Variants in RAD54L2 observed in about 807,000 individuals in gnomAD.
The protein encoded by RAD54L2 is RAD54 like 2.
A neutral mutation model predicts 138.4 loss-of-function variants in RAD54L2; 27 were observed. The ratio of observed to expected loss-of-function variants is 0.20; its 90% CI spans 0.14 to 0.27. The LOEUF is 0.27. Ranked by LOEUF, RAD54L2 falls within the 10% of genes least tolerant of loss-of-function variation. The pLI is 1.00. For synonymous variants in RAD54L2, 644 were observed against 723.2 expected, an observed-to-expected ratio of 0.89 and a Z score of 1.76; for missense variants, 1,396 against 1,890.2, an observed-to-expected ratio of 0.74 and a Z score of 4.85.
chr3:51,647,736 C>T (rs571555529), intron 19 of RAD54L2, among the ~76,000 whole-genome samples: 33 of 152,234 alleles, frequency 2.2e-4, no homozygotes, highest in Middle Eastern at 3.4e-3. Context: ...TGGTCTTGAA[C>T]TCCTGGGCTC....
Position 51,655,993 on chromosome 3 carries a change from G to A in RAD54L2, c.3049G>A (p.Glu1017Lys). Residue 1017 changes from glutamate (E) to lysine (K), a missense_variant, in exon 20 of 23, where the codon GAA (glutamate) becomes AAA (lysine). Transcript: ENST00000684192. ...RNWQPTLKGD[E>K]KPVASVRPVQ... ...CAGGCAGCCAACTTTGAAGGGTGAT[G>A]AAAAGCCTGTGGCCAGTGTTCGTCC... The A allele has an allele frequency of 6.2e-7, 1 of 1,606,150 alleles. No homozygotes were observed. Among genetic ancestry groups the A allele is most frequent in the Non-Finnish European group, 8.5e-7 (1 of 1,174,422 alleles).
intron 2 of RAD54L2, among the ~76,000 whole-genome samples, chr3:51,556,680 G>T (rs1439050232): frequency 2.6e-5 from 4 of 152,174 alleles, no homozygotes; most frequent in Non-Finnish European, 5.9e-5. Flanking sequence ...GGGTTCAAGC[G>T]ATTCTTCTGC....
chr3:51,655,434 G>T (rs1156364749), intron 19 of RAD54L2, among the ~76,000 whole-genome samples: 1 of 152,084 alleles, frequency 6.6e-6, no homozygotes, highest in Non-Finnish European at 1.5e-5. Flanking sequence ...GAGAGAGAGA[G>T]GTGTCTGTAT....
Position 51,663,496 on chromosome 3 carries a change from T to A in RAD54L2, c.*76T>A. On this transcript the variant is annotated 3_prime_UTR_variant, in exon 23 of 23. Coordinates refer to ENST00000684192, the MANE Select transcript of RAD54L2 (RefSeq NM_015106.4). ...AAGCTGAAAGGCAGTGATTTAGACC[T>A]TTTGAGAATAGGACACTTGGCAGGA... 3 of 1,479,202 alleles carry A rather than the reference T, an allele frequency of 2.0e-6. No individual in the cohort carries two copies. The South Asian group carries it at 3.9e-5, about 19-fold the overall frequency. The allele number at this position is 1,479,202 out of a possible 1,614,324, so 91.6% of individuals were successfully genotyped here.
rs556601145 is a variant in RAD54L2, at chr3:51,556,662, C to T, written c.-55+15012C>T. The stretch of plus-strand genomic sequence containing the variant: ...CATGATCTCGGCTCATTGCAACCTC[C>T]GCCTCCCGGGTTCAAGCGATTCTTC... On this transcript the variant is annotated intron_variant, in intron 2 of 22. Transcript: ENST00000684192. Among the ~76,000 whole-genome samples, 100 of 152,164 alleles carry T rather than the reference C, an allele frequency of 6.6e-4. 3 individuals carry two copies. The highest frequency in any genetic ancestry group is 5.6e-3 in the Admixed American group (85 of 15,260).
At chr3:51,584,899 G>A (rs547779128) in intron 2 of RAD54L2, among the ~76,000 whole-genome samples, 3 of 151,508 alleles carry the variant, frequency 2.0e-5, no homozygotes, top group Non-Finnish European at 4.4e-5. Flanking sequence ...TTAACCTCCC[G>A]GGCTCAAGTG....
At chr3:51,589,570 T>A (rs1699790136) in intron 2 of RAD54L2, among the ~76,000 whole-genome samples, 1 of 151,996 alleles carries the variant, frequency 6.6e-6, no homozygotes, top group Non-Finnish European at 1.5e-5. Context: ...GTCACTAGCC[T>A]GGGAAAAATT....
intron 5 of RAD54L2, 124 bp from the exon 6 acceptor site, chr3:51,630,148 T>C: frequency 1.6e-5 from 11 of 698,064 alleles, no homozygotes; most frequent in Admixed American, 5.2e-5. Context: ...TGGGCTCTGC[T>C]TCTCTTCTCA....
At position 51,630,302 on chromosome 3, in the gene RAD54L2, C is replaced by A. The variant is rs766434238; in HGVS notation, c.512C>A (p.Pro171His). ...ATTGCTTTAAGGGCAAGTGACGGTC[C>A]CCAACTGCCTCCTCGGGTCTTGGCC... ...EEIALRASDG[P>H]QLPPRVLAQE... is the part of the protein sequence containing the mutation. The change falls in exon 6 of 23, where the codon CCC (proline) becomes CAC (histidine). Residue 171 changes from proline to histidine, a missense_variant. Physicochemically the swap from Pro to His is moderately conservative, Grantham distance 77. This residue lies in a region of RAD54L2 where 256 missense variants were observed against 344.6 expected (regional missense o/e 0.74). Transcript: ENST00000684192. 2.5e-6 allele frequency: 4 copies of A among 1,613,864 alleles called. No homozygotes were observed. In the South Asian group the frequency reaches 4.4e-5, roughly 18 times the overall value.
At chr3:51,577,755 A>T (rs1415191885) in intron 2 of RAD54L2, among the ~76,000 whole-genome samples, 3 of 151,646 alleles carry the variant, frequency 2.0e-5, no homozygotes, top group Admixed American at 2.0e-4. Context: ...TTTGGCTCAC[A>T]CTCCGTGGGC....
chr3:51,574,200 A>T (rs1577397016), intron 2 of RAD54L2, among the ~76,000 whole-genome samples: 1 of 152,292 alleles, frequency 6.6e-6, no homozygotes, highest in East Asian at 1.9e-4. Flanking sequence ...GCTGCATAGT[A>T]TTCCATGGTG....
Position 51,639,473 on chromosome 3 carries a change from A to T in RAD54L2, c.1915A>T (p.Asn639Tyr). 1.2e-6 allele frequency: 2 copies of T among 1,613,992 alleles called. No individual in the cohort carries two copies. The highest frequency in any genetic ancestry group is 1.7e-6 in the Non-Finnish European group (2 of 1,179,890). ...YEALQKESLA[N>Y]EQDLDVEELG... The stretch of plus-strand genomic sequence containing the variant: ...AGCCCTTCAGAAGGAGAGCTTGGCC[A>T]ATGAGCAGGACCTAGACGTGGAAGA... The change falls in exon 13 of 23, where the codon AAT (asparagine) becomes TAT (tyrosine). Residue 639 changes from asparagine (N) to tyrosine (Y), a missense_variant. Coordinates refer to ENST00000684192, the MANE Select transcript of RAD54L2 (RefSeq NM_015106.4).
rs1224989861 is a variant in RAD54L2, at chr3:51,667,066, G to A, written c.*3646G>A. ...CTCTGTGTGAGTCTATTCAAACCTG[G>A]CATTGCTCTGAAATTGAGTCCTCAT... On this transcript the variant is annotated 3_prime_UTR_variant, in exon 23 of 23. Transcript: ENST00000684192. 1.3e-5 allele frequency: 2 copies of A among 152,326 alleles called. No homozygotes were observed. Among genetic ancestry groups the A allele is most frequent in the African/African-American group, 4.8e-5 (2 of 41,550 alleles). 9.4% of individuals were successfully genotyped at this position (152,326 alleles called of 1,614,324 possible).
chr3:51,656,544 A>C (rs1701605333), intron 20 of RAD54L2, among the ~76,000 whole-genome samples: 1 of 152,090 alleles, frequency 6.6e-6, no homozygotes, highest in Admixed American at 6.6e-5. Context: ...CTTTGTACAT[A>C]ATGAGAAGAC....
intron 2 of RAD54L2, among the ~76,000 whole-genome samples, chr3:51,571,018 A>G (rs1699326996): frequency 1.3e-5 from 2 of 151,804 alleles, no homozygotes; most frequent in Non-Finnish European, 2.9e-5. Context: ...ACGGGGTTTC[A>G]CCATGTTGTC....
intron 2 of RAD54L2, among the ~76,000 whole-genome samples, chr3:51,551,914 G>GGCTAAT (rs1295277825): frequency 2.0e-5 from 3 of 151,766 alleles, no homozygotes; most frequent in Non-Finnish European, 2.9e-5. Flanking sequence ...CACCATGCCC[G>GGCTAAT]GCTAATTTTT....
intron 3 of RAD54L2, among the ~76,000 whole-genome samples, chr3:51,621,428 G>A (rs1700567353): frequency 6.6e-6 from 1 of 152,210 alleles, no homozygotes; most frequent in Non-Finnish European, 1.5e-5. Flanking sequence ...TGTCAGACAG[G>A]AGTTCACAGT....
At chr3:51,571,832 T>TA (rs1428763023) in intron 2 of RAD54L2, among the ~76,000 whole-genome samples, 2 of 152,156 alleles carry the variant, frequency 1.3e-5, no homozygotes, top group South Asian at 2.1e-4. Flanking sequence ...GGTTTTTTTT[T>TA]ACTTCATTTT....
intron 14 of RAD54L2, 49 bp downstream of exon 14, chr3:51,640,048 G>A: frequency 7.0e-7 from 1 of 1,424,800 alleles, no homozygotes; most frequent in Middle Eastern, 1.8e-4. Context: ...GGTAAAGAAT[G>A]ACAAAACCAC....
Sources: gnomAD v4.1 joint callset for allele counts (sites outside exome capture counted in the v4.1 genomes callset) on GRCh38, gnomAD v4.1.1 for gene constraint, gnomAD v4.1.1 regional missense constraint, MANE v1.5 for transcripts, NCBI Gene and HGNC (gene_info 2026-07-23, HGNC 2026-07-21) for gene names.